The following NCKAP5 variants were observed in gnomAD, a reference collection of about 807,000 sequenced individuals.
NCKAP5 encodes NCK associated protein 5, also known as nck-associated protein 5.
NCKAP5 carries 92 observed loss-of-function variants against 167.0 expected under a neutral mutation model. That is an observed-to-expected ratio of 0.55 (90% CI 0.47 to 0.66). NCKAP5 has a LOEUF of 0.66. Ranked by LOEUF, NCKAP5 falls within the 30% of genes least tolerant of loss-of-function variation. The pLI is 0.00. For synonymous variants in NCKAP5, 891 were observed against 877.4 expected (o/e 1.02, Z -0.27); for missense variants, 2,378 against 2,315.0 (o/e 1.03, Z -0.56).
intron 4 of NCKAP5, among the ~76,000 whole-genome samples, chr2:133,216,617 C>T (rs1215318650): frequency 1.3e-5 from 2 of 151,998 alleles, no homozygotes; most frequent in African/African-American, 4.8e-5. Context: ...TAATTATTAA[C>T]TAAATTAATT....
chr2:132,677,324 C>T (rs1684620645), intron 19 of NCKAP5, among the ~76,000 whole-genome samples: 1 of 151,992 alleles, frequency 6.6e-6, no homozygotes, highest in African/African-American at 2.4e-5. Context: ...ATTTTCCTGC[C>T]TTTAGTGTAA....
chr2:133,397,092 A>G (rs906734211), intron 3 of NCKAP5, among the ~76,000 whole-genome samples: 1 of 152,260 alleles, frequency 6.6e-6, no homozygotes, highest in Non-Finnish European at 1.5e-5. Context: ...AAACCAAAGC[A>G]TAACACAACA....
At chr2:133,161,855 C>A (rs6716343) in intron 5 of NCKAP5, among the ~76,000 whole-genome samples, 52,857 of 152,040 alleles carry the variant, frequency 0.35, 10,468 homozygotes, top group East Asian at 0.56. Flanking sequence ...CCAGAACTGT[C>A]CACAAAGACA....
Position 133,322,681 on chromosome 2 carries a change from A to G in NCKAP5, c.70-19571T>C, listed in dbSNP as rs149150129. On this transcript the variant is annotated intron_variant, in intron 3 of 19. Coordinates refer to ENST00000409261, the MANE Select transcript of NCKAP5 (RefSeq NM_207363.3). ...ATTCTTCTAACAATTGCATTTGAGAATCTATCCTGGGGGATGAGACCCTAG... is the reference window on the plus strand; with the variant it reads ...ATTCTTCTAACAATTGCATTTGAGAGTCTATCCTGGGGGATGAGACCCTAG... Among the ~76,000 whole-genome samples the G allele has an allele frequency of 3.4e-3, 523 of 152,330 alleles. 6 individuals are homozygous for G. Among genetic ancestry groups the G allele is most frequent in the Middle Eastern group, 0.014 (4 of 294 alleles).
chr2:133,280,185 A>G lies in NCKAP5; in HGVS notation c.143+22852T>C, dbSNP rs906264088. Among the ~76,000 whole-genome samples, 17 of 152,318 alleles carry G rather than the reference A, an allele frequency of 1.1e-4. No individual in the cohort carries two copies. The Middle Eastern group carries it at 0.01, about 91-fold the overall frequency. ...GCAAAGTAATAACCTAAGTACAAAC[A>G]GGGAAAAAATTCTCCCTCATGTACA... On this transcript the variant is annotated intron_variant, in intron 4 of 19. Coordinates refer to ENST00000409261, the MANE Select transcript of NCKAP5 (RefSeq NM_207363.3).
At position 132,995,647 on chromosome 2, in the gene NCKAP5, AAAACAAACAAAC is replaced by A. The variant is rs71398579; in HGVS notation, c.342-1420_342-1409del. 4.9e-4 allele frequency among the ~76,000 whole-genome samples: 71 copies of A among 143,998 alleles called. 1 individual carries two copies. Among genetic ancestry groups the A allele is most frequent in the Admixed American group, 8.4e-4 (12 of 14,206 alleles). The allele number at this position is 143,998 out of a possible 152,430, so 94.5% of individuals were successfully genotyped here. A position where few individuals can be genotyped will look rare whatever the true frequency, so the allele number is the denominator to read the frequency against. ...GCCTGGGCGACAGAGACTCTATCTG[AAAACAAACAAAC>A]AAACAAACAAACAAACAAACAAAAA... On this transcript the variant is annotated intron_variant, in intron 6 of 19. Coordinates refer to ENST00000409261, the MANE Select transcript of NCKAP5 (RefSeq NM_207363.3).
At chr2:133,647,585 TATAGAG>T in the NCKAP5 span, among the ~76,000 whole-genome samples, 3 of 102,476 alleles carry the variant, frequency 2.9e-5, no homozygotes, top group South Asian at 9.1e-4. Context: ...GGGAGACAGA[TATAGAG>T]AGGGAGAGAG....
Position 132,800,751 on chromosome 2 carries a change from C to T in NCKAP5, c.808-4022G>A, listed in dbSNP as rs77161752. On this transcript the variant is annotated intron_variant, in intron 11 of 19. Coordinates refer to ENST00000409261, the MANE Select transcript of NCKAP5 (RefSeq NM_207363.3). The stretch of plus-strand genomic sequence containing the variant: ...TCTCTAACCCACAGTGGATTCCCTG[C>T]CTTGAGGAATTGGACTGCCTCTCAT... 1.3e-3 allele frequency among the ~76,000 whole-genome samples: 200 copies of T among 152,262 alleles called. 3 individuals are homozygous for T. The East Asian group carries it at 0.03, about 23-fold the overall frequency.
intron 16 of NCKAP5, among the ~76,000 whole-genome samples, chr2:132,745,194 T>C (rs918399614): frequency 6.6e-6 from 1 of 151,848 alleles, no homozygotes; most frequent in African/African-American, 2.4e-5. Flanking sequence ...TGAAAATGGA[T>C]GCAAGAATGT....
At chr2:132,705,352 C>T (rs1051962529) in intron 19 of NCKAP5, among the ~76,000 whole-genome samples, 5 of 152,132 alleles carry the variant, frequency 3.3e-5, no homozygotes, top group Non-Finnish European at 4.4e-5. Flanking sequence ...CTTACCATCT[C>T]CAATTCCTCT....
chr2:132,770,866 C>T (rs547983070), intron 16 of NCKAP5, among the ~76,000 whole-genome samples: 2 of 152,198 alleles, frequency 1.3e-5, no homozygotes, highest in Admixed American at 6.5e-5. Context: ...CTAGTGACGT[C>T]GTAGTTAAAC....
chr2:133,208,202 G>A (rs990962238), intron 5 of NCKAP5, among the ~76,000 whole-genome samples: 2 of 152,082 alleles, frequency 1.3e-5, no homozygotes, highest in African/African-American at 2.4e-5. Flanking sequence ...ATCTGGGCAT[G>A]GTGGTTTGCA....
intron 4 of NCKAP5, among the ~76,000 whole-genome samples, chr2:133,223,262 G>A (rs1363562740): frequency 6.6e-6 from 1 of 152,088 alleles, no homozygotes; most frequent in East Asian, 1.9e-4. Flanking sequence ...TTAAACAGAA[G>A]ATTCAATTAA....
At chr2:133,275,370 T>C (rs1305588828) in intron 4 of NCKAP5, among the ~76,000 whole-genome samples, 2 of 151,658 alleles carry the variant, frequency 1.3e-5, no homozygotes, top group Non-Finnish European at 2.9e-5. Flanking sequence ...CCCATATCTA[T>C]GTACTCACGG....
chr2:133,599,793 T>C, the NCKAP5 span, among the ~76,000 whole-genome samples: 1 of 152,150 alleles, frequency 6.6e-6, no homozygotes, highest in Non-Finnish European at 1.5e-5. Flanking sequence ...CGCCTGCACA[T>C]GTGTCCGCCT....
intron 3 of NCKAP5, among the ~76,000 whole-genome samples, chr2:133,319,573 T>G (rs1430542852): frequency 6.6e-6 from 1 of 152,170 alleles, no homozygotes; most frequent in Non-Finnish European, 1.5e-5. Context: ...AATTTTGTAT[T>G]GGGACGGTCA....
intron 3 of NCKAP5, among the ~76,000 whole-genome samples, chr2:133,437,643 C>A (rs182352719): frequency 1.6e-3 from 244 of 152,322 alleles, no homozygotes; most frequent in African/African-American, 5.6e-3. Context: ...CAGCCCCAGC[C>A]AGCGTCAGTT....
the NCKAP5 span, among the ~76,000 whole-genome samples, chr2:133,590,850 C>T: frequency 4.0e-5 from 6 of 151,812 alleles, no homozygotes; most frequent in Non-Finnish European, 7.4e-5. Flanking sequence ...CTCATGTTTC[C>T]GAAAGTTTGT....
chr2:133,531,477 G>C (rs1219413503), intron 2 of NCKAP5, among the ~76,000 whole-genome samples: 1 of 147,316 alleles, frequency 6.8e-6, no homozygotes, highest in Non-Finnish European at 1.5e-5. Context: ...GTAACTTTCT[G>C]AGCACTCTTT....
Sources: gnomAD v4.1 joint callset for allele counts (sites outside exome capture counted in the v4.1 genomes callset) on GRCh38, gnomAD v4.1.1 for gene constraint, MANE v1.5 for transcripts, NCBI Gene and HGNC (gene_info 2026-07-23, HGNC 2026-07-21) for gene names.